Variants in ADGRL3 observed in about 807,000 individuals in gnomAD.
ADGRL3 encodes the protein calcium-independent alpha-latrotoxin receptor 3.
ADGRL3 carries 62 observed loss-of-function variants against 153.5 expected under a neutral mutation model. The ratio of observed to expected loss-of-function variants is 0.40; its 90% CI spans 0.33 to 0.50. The LOEUF is 0.50. Ranked by LOEUF, ADGRL3 falls within the 20% of genes least tolerant of loss-of-function variation. ADGRL3 has a pLI of 0.47. For missense variants in ADGRL3, 1,641 were observed against 1,859.4 expected (o/e 0.88, Z 2.16); for synonymous variants, 710 against 672.5 (o/e 1.06, Z -0.86).
At chr4:61,399,209 A>G (rs1010403132) in intron 2 of ADGRL3, among the ~76,000 whole-genome samples, 2 of 151,710 alleles carry the variant, frequency 1.3e-5, no homozygotes, top group African/African-American at 4.8e-5. Context: ...GTTAATACTC[A>G]GATCTTTAGT....
At chr4:61,817,160 C>T (rs1055013841) in intron 9 of ADGRL3, among the ~76,000 whole-genome samples, 2 of 149,796 alleles carry the variant, frequency 1.3e-5, no homozygotes, top group South Asian at 2.1e-4. Flanking sequence ...CCCCCCCCCC[C>T]CCACCAAGGC....
At chr4:61,615,737 A>G (rs926880340) in intron 5 of ADGRL3, among the ~76,000 whole-genome samples, 2 of 152,008 alleles carry the variant, frequency 1.3e-5, no homozygotes, top group East Asian at 3.9e-4. Flanking sequence ...GGAATTTATG[A>G]CTTGCATTGA....
At chr4:61,602,334 A>T (rs1380308771) in intron 5 of ADGRL3, among the ~76,000 whole-genome samples, 1 of 152,134 alleles carries the variant, frequency 6.6e-6, no homozygotes, top group Non-Finnish European at 1.5e-5. Context: ...TGGTGAGAGG[A>T]TGGGAAGCAT....
At chr4:61,705,324 C>T (rs567917432) in intron 6 of ADGRL3, among the ~76,000 whole-genome samples, 1 of 151,768 alleles carries the variant, frequency 6.6e-6, no homozygotes, top group Non-Finnish European at 1.5e-5. Context: ...CACATCAGAG[C>T]TTTGAGGTGG....
chr4:61,735,090 C>A lies in ADGRL3; in HGVS notation c.1399+1536C>A, dbSNP rs2096491613. Among the ~76,000 whole-genome samples, 3 of 152,102 alleles carry A rather than the reference C, an allele frequency of 2.0e-5. No homozygotes were observed. The South Asian group carries it at 6.2e-4, about 31-fold the overall frequency. ...AAGTAGATTCTAAGTTTTTTATGGC[C>A]AATGGCCTTGTCTTACTCTTTCTTT... On this transcript the variant is annotated intron_variant, in intron 8 of 26. Coordinates refer to ENST00000683033, the MANE Select transcript of ADGRL3 (RefSeq NM_001387552.1).
chr4:61,231,656 G>A (rs1009536078), intron 1 of ADGRL3, among the ~76,000 whole-genome samples: 4 of 151,930 alleles, frequency 2.6e-5, no homozygotes, highest in Admixed American at 1.3e-4. Context: ...TTCCCTTGCT[G>A]CAGTGCTTCT....
At chr4:61,651,558 A>T (rs2150388739) in intron 5 of ADGRL3, among the ~76,000 whole-genome samples, 1 of 152,080 alleles carries the variant, frequency 6.6e-6, no homozygotes, top group East Asian at 1.9e-4. Context: ...TCATTGAGTA[A>T]TGTTTTCAAA....
rs143040119 is a variant in ADGRL3, at chr4:61,928,949, G to A, written c.2113-5891G>A. 5.2e-3 allele frequency among the ~76,000 whole-genome samples: 789 copies of A among 152,088 alleles called. 4 individuals are homozygous for A. Among genetic ancestry groups the A allele is most frequent in the African/African-American group, 0.018 (748 of 41,500 alleles). ...GTATCACGGCACTAAAATTTACTCC[G>A]AGAAAACACAAATGAATATGATGTC... On this transcript the variant is annotated intron_variant, in intron 13 of 26. Coordinates refer to ENST00000683033, the MANE Select transcript of ADGRL3 (RefSeq NM_001387552.1).
chr4:61,891,002 A>G (rs903671129), intron 9 of ADGRL3, among the ~76,000 whole-genome samples: 2 of 152,136 alleles, frequency 1.3e-5, no homozygotes, highest in African/African-American at 2.4e-5. Context: ...TAAGCTTTCA[A>G]TTGCACTTAA....
chr4:61,482,362 T>C (rs1197538616), intron 2 of ADGRL3, among the ~76,000 whole-genome samples: 1 of 152,228 alleles, frequency 6.6e-6, no homozygotes, highest in African/African-American at 2.4e-5. Context: ...TTTTTAATAA[T>C]CTGCCAGCTT....
intron 1 of ADGRL3, among the ~76,000 whole-genome samples, chr4:61,226,171 T>C (rs966404664): frequency 3.3e-5 from 5 of 152,212 alleles, no homozygotes; most frequent in African/African-American, 1.2e-4. Context: ...TTAACATTTC[T>C]AAACAGTTAC....
In ADGRL3 at chr4:62,070,293, C is replaced by T; in HGVS notation, c.4017C>T (p.Ser1339=). The change falls in exon 27 of 27, where the codon TCC becomes TCT. Residue 1339 remains serine, a synonymous_variant. Transcript: ENST00000683033. ...LEKKILKELT[S]NYIPSYLNNH... is the part of the protein sequence containing the mutation. ...AAAAGATTCTGAAGGAACTCACTTC[C>T]AACTATATCCCTTCTTACCTGAACA... 1 of 1,571,684 alleles carries T rather than the reference C, an allele frequency of 6.4e-7. No homozygotes were observed. Among genetic ancestry groups the T allele is most frequent in the Non-Finnish European group, 8.6e-7 (1 of 1,156,918 alleles).
chr4:61,276,953 A>G (rs1560415905), intron 1 of ADGRL3, among the ~76,000 whole-genome samples: 1 of 152,128 alleles, frequency 6.6e-6, no homozygotes, highest in Non-Finnish European at 1.5e-5. Context: ...AGAAATTGGA[A>G]ACTTCAAGTC....
intron 8 of ADGRL3, among the ~76,000 whole-genome samples, chr4:61,742,140 C>G (rs1293596005): frequency 6.6e-6 from 1 of 152,100 alleles, no homozygotes; most frequent in Non-Finnish European, 1.5e-5. Context: ...CGTAAGAATC[C>G]AATGCTTCTA....
intron 2 of ADGRL3, among the ~76,000 whole-genome samples, chr4:61,466,512 G>A (rs977025018): frequency 6.6e-6 from 1 of 152,158 alleles, no homozygotes; most frequent in African/African-American, 2.4e-5. Context: ...GATTATGCAT[G>A]AATGTATTTT....
chr4:61,451,933 T>C (rs947523363), intron 2 of ADGRL3, among the ~76,000 whole-genome samples: 15 of 152,326 alleles, frequency 9.8e-5, no homozygotes, highest in Non-Finnish European at 1.0e-4. Flanking sequence ...ATTGACTACA[T>C]TTGTTATGTA....
chr4:61,914,015 ATACAGTCCCTGTCTAGGATTT>A (rs2098733976), intron 13 of ADGRL3, among the ~76,000 whole-genome samples: 1 of 152,142 alleles, frequency 6.6e-6, no homozygotes, highest in Admixed American at 6.6e-5. Context: ...GGCAAATATA[ATACAGTCCCTGTCTAGGATTT>A]TACTATCTAG....
At chr4:61,446,151 G>T (rs534667642) in intron 2 of ADGRL3, among the ~76,000 whole-genome samples, 15 of 152,098 alleles carry the variant, frequency 9.9e-5, no homozygotes, top group Non-Finnish European at 8.8e-5. Context: ...TATGAGCTCT[G>T]CCCTGGACAT....
intron 4 of ADGRL3, among the ~76,000 whole-genome samples, chr4:61,526,148 TG>T (rs1237103499): frequency 1.3e-5 from 2 of 152,130 alleles, no homozygotes; most frequent in Non-Finnish European, 2.9e-5. Flanking sequence ...CTTCGCCCCT[TG>T]GCCAGCCTCT....
Sources: allele counts gnomAD v4.1 joint callset (sites outside exome capture counted in the v4.1 genomes callset), GRCh38; gene constraint gnomAD v4.1.1; transcripts MANE v1.5; gene names NCBI Gene and HGNC (gene_info 2026-07-23, HGNC 2026-07-21).